PHACTR2: variants seen among roughly 807,000 people sequenced by gnomAD.
The protein encoded by PHACTR2 is chromosome 6 open reading frame 56.
A neutral mutation model predicts 76.0 loss-of-function variants in PHACTR2; 30 were observed. The observed-to-expected ratio is 0.39, with a 90% CI of 0.30 to 0.54. PHACTR2 has a LOEUF of 0.54. Ranked by LOEUF, PHACTR2 falls within the 20% of genes least tolerant of loss-of-function variation. The probability of loss-of-function intolerance (pLI) is 0.61; values close to 1 mark genes in which losing one functional copy is unlikely to be tolerated. For missense variants in PHACTR2, 696 were observed against 781.1 expected, an observed-to-expected ratio of 0.89 and a Z score of 1.30; for synonymous variants, 292 against 292.5, an observed-to-expected ratio of 1.00 and a Z score of 0.02.
chr6:143,728,886 G>C (rs1189881493), intron 2 of PHACTR2, among the ~76,000 whole-genome samples: 2 of 152,062 alleles, frequency 1.3e-5, no homozygotes, highest in Admixed American at 1.3e-4. Flanking sequence ...GAAACTACTA[G>C]AAGAAAACAT....
chr6:143,701,594 T>C (rs1562274923), intron 1 of PHACTR2, among the ~76,000 whole-genome samples: 1 of 152,112 alleles, frequency 6.6e-6, no homozygotes, highest in Admixed American at 6.5e-5. Context: ...TCCCACCCAC[T>C]ACCCTCCTCC....
In PHACTR2 at chr6:143,580,525, T is replaced by G. The variant is rs1775560912; in HGVS notation, c.217+43318T>G. ...AAACAAAACAAAAAATACAAACAAT[T>G]AGCTGGGCGTGGTGGCACACACCTG... On this transcript the variant is annotated intron_variant, in intron 1 of 11. Transcript: ENST00000367584. The surrounding 1 kb of genome is among the most constrained non-coding windows in gnomAD (Gnocchi z 4.2). 6.6e-6 allele frequency among the ~76,000 whole-genome samples: 1 copy of G among 150,898 alleles called. No individual in the cohort carries two copies. Among genetic ancestry groups the G allele is most frequent in the Non-Finnish European group, 1.5e-5 (1 of 67,706 alleles).
Position 143,800,513 on chromosome 6 carries a change from G to A in PHACTR2, c.1846-6544G>A, listed in dbSNP as rs1218747910. Among the ~76,000 whole-genome samples, 5 of 152,002 alleles carry A rather than the reference G, an allele frequency of 3.3e-5. No individual in the cohort carries two copies. The highest frequency in any genetic ancestry group is 9.7e-5 in the African/African-American group (4 of 41,380). On this transcript the variant is annotated intron_variant, in intron 11 of 12. Coordinates refer to ENST00000440869, the MANE Select transcript of PHACTR2 (RefSeq NM_001100164.2). The surrounding 1 kb of genome is among the most constrained non-coding windows in gnomAD (Gnocchi z 4.8). ...CCTGACTTCGTGATCTGCCTGCATC[G>A]GCCTCCCAAAGTGCTGGGATTACAG...
At chr6:143,746,175 G>A (rs767846852) in intron 2 of PHACTR2, among the ~76,000 whole-genome samples, 2 of 152,154 alleles carry the variant, frequency 1.3e-5, no homozygotes, top group Non-Finnish European at 2.9e-5. Flanking sequence ...CAGCATTTGA[G>A]CTGGATGAAT....
In PHACTR2 at chr6:143,733,425, T is replaced by C. The variant is rs1046324315; in HGVS notation, c.215-15560T>C. Among the ~76,000 whole-genome samples, 2 of 152,144 alleles carry C rather than the reference T, an allele frequency of 1.3e-5. No individual in the cohort carries two copies. The highest frequency in any genetic ancestry group is 1.5e-5 in the Non-Finnish European group (1 of 68,018). On this transcript the variant is annotated intron_variant, in intron 2 of 12. Transcript: ENST00000440869. This position sits in a 1 kb window ranked among gnomAD's most constrained non-coding sequence, Gnocchi z 4.0. ...AGTAAATGTATATTGAATGAACGAA[T>C]GAATGAATGAATGGCTCTTGATGGA... is the stretch of plus-strand genomic sequence containing the variant.
chr6:143,771,490 G>A (rs1437161151), intron 6 of PHACTR2, among the ~76,000 whole-genome samples: 4 of 151,090 alleles, frequency 2.6e-5, no homozygotes, highest in African/African-American at 7.3e-5. Flanking sequence ...AGGCTGGAGT[G>A]CAATGGCGCG....
At chr6:143,674,547 T>A (rs1266427322), upstream of PHACTR2, among the ~76,000 whole-genome samples, 1 of 152,152 alleles carries the variant, frequency 6.6e-6, no homozygotes. This position sits in a 1 kb window ranked among gnomAD's most constrained non-coding sequence, Gnocchi z 4.9. Flanking sequence ...ATGGCCACTA[T>A]CAACCACTGT....
Position 143,598,090 on chromosome 6 carries a change from G to A in PHACTR2, c.217+60883G>A, listed in dbSNP as rs914540093. On this transcript the variant is annotated intron_variant, in intron 1 of 11. Transcript: ENST00000367584. The surrounding 1 kb of genome is among the most constrained non-coding windows in gnomAD (Gnocchi z 4.1). ...TATAGTAGGTCGAAGAATGCCCCCC[G>A]CGCCCCCAAAAAAGAACCATATCTT... 4.7e-5 allele frequency among the ~76,000 whole-genome samples: 7 copies of A among 150,416 alleles called. No individual in the cohort carries two copies. Among genetic ancestry groups the A allele is most frequent in the East Asian group, 2.0e-4 (1 of 5,116 alleles).
Position 143,683,453 on chromosome 6 carries a change from C to G in PHACTR2, c.46+5244C>G, listed in dbSNP as rs74683400. ...TTCTTCTAGTTTTTTCCAACCCCACCCCATTTTCACGGTGCCACAGATCAG... is the reference window on the plus strand; with the variant it reads ...TTCTTCTAGTTTTTTCCAACCCCACGCCATTTTCACGGTGCCACAGATCAG... On this transcript the variant is annotated intron_variant, in intron 1 of 12. Coordinates refer to ENST00000440869, the MANE Select transcript of PHACTR2 (RefSeq NM_001100164.2). The surrounding 1 kb of genome is among the most constrained non-coding windows in gnomAD (Gnocchi z 4.1). Among the ~76,000 whole-genome samples the G allele has an allele frequency of 9.2e-5, 14 of 152,102 alleles. No individual in the cohort carries two copies. The highest frequency in any genetic ancestry group is 3.1e-4 in the African/African-American group (13 of 41,406).
rs1428095147 is a variant in PHACTR2 at position 143,820,442 on chromosome 6, G to T, written c.1923-3232G>T. Reference sequence around the variant, plus strand: ...CTGGGTAAACATTCCCGTTCCCAAAGGGAGAAATCAGACAAAAGAAGGTGG... The same window carrying T: ...CTGGGTAAACATTCCCGTTCCCAAATGGAGAAATCAGACAAAAGAAGGTGG... On this transcript the variant is annotated intron_variant, in intron 12 of 12. Transcript: ENST00000440869. The surrounding 1 kb of genome is among the most constrained non-coding windows in gnomAD (Gnocchi z 4.2). Among the ~76,000 whole-genome samples, 1 of 152,206 alleles carries T rather than the reference G, an allele frequency of 6.6e-6. No homozygotes were observed. The highest frequency in any genetic ancestry group is 1.9e-4 in the East Asian group (1 of 5,194).
upstream of PHACTR2, among the ~76,000 whole-genome samples, chr6:143,604,284 A>G (rs148532158): frequency 2.2e-3 from 335 of 152,254 alleles, 1 homozygote; most frequent in African/African-American, 7.6e-3. Context: ...GGACCAAGCA[A>G]TCTAATTACG....
Position 143,580,095 on chromosome 6 carries a change from A to C in PHACTR2, c.217+42888A>C, listed in dbSNP as rs894090422. ...AACATGACCACTGTCTTCTCTCAGC[A>C]TGAGCCAGAAAGAAAATCAAGAGAG... On this transcript the variant is annotated intron_variant, in intron 1 of 11. Transcript: ENST00000367584. This position sits in a 1 kb window ranked among gnomAD's most constrained non-coding sequence, Gnocchi z 4.2. Among the ~76,000 whole-genome samples the C allele has an allele frequency of 7.9e-5, 12 of 152,198 alleles. No homozygotes were observed. The highest frequency in any genetic ancestry group is 2.4e-4 in the African/African-American group (10 of 41,446).
chr6:143,719,178 TG>T (rs1356602182), intron 2 of PHACTR2, among the ~76,000 whole-genome samples: 1 of 149,716 alleles, frequency 6.7e-6, no homozygotes, highest in East Asian at 2.0e-4. Flanking sequence ...CAACCGTGCC[TG>T]GCCTAGAAGT....
At chr6:143,575,834 T>G (rs553011112) in intron 1 of PHACTR2, among the ~76,000 whole-genome samples, 1 of 152,258 alleles carries the variant, frequency 6.6e-6, no homozygotes, top group Non-Finnish European at 1.5e-5. Context: ...AGAGTACAAT[T>G]GATTCTTAAG....
chr6:143,715,376 T>G (rs778130846), intron 2 of PHACTR2, among the ~76,000 whole-genome samples: 1 of 152,176 alleles, frequency 6.6e-6, no homozygotes, highest in East Asian at 1.9e-4. Context: ...AGCCCTTCTG[T>G]TGCTTTGAAT....
At chr6:143,685,008 G>T (rs936585858) in intron 1 of PHACTR2, among the ~76,000 whole-genome samples, 1 of 151,942 alleles carries the variant, frequency 6.6e-6, no homozygotes, top group African/African-American at 2.4e-5. Flanking sequence ...GTATATTCAG[G>T]AGATTAACCT....
At chr6:143,704,111 G>T (rs12530194) in intron 1 of PHACTR2, among the ~76,000 whole-genome samples, 8 of 36,190 alleles carry the variant, frequency 2.2e-4, no homozygotes, top group Admixed American at 7.7e-4. Flanking sequence ...GTGTGTGTGT[G>T]TGTGTGTGTG....
rs1202615920 is a variant in PHACTR2, at chr6:143,556,711, G to A, written c.217+19504G>A. On this transcript the variant is annotated intron_variant, in intron 1 of 11. Coordinates refer to the PHACTR2 transcript ENST00000367584. This position sits in a 1 kb window ranked among gnomAD's most constrained non-coding sequence, Gnocchi z 4.3. ...TCAGCTCACAGGGTGCTAACTAGAG[G>A]AGAAGGAAGACGTACATCACCACAG... Among the ~76,000 whole-genome samples the A allele has an allele frequency of 6.6e-6, 1 of 152,152 alleles. No individual in the cohort carries two copies.
rs1266275333 is a variant in PHACTR2, at chr6:143,624,509, C to T, written c.13+16187C>T. On this transcript the variant is annotated intron_variant, in intron 1 of 11. Transcript: ENST00000305766. The surrounding 1 kb of genome is among the most constrained non-coding windows in gnomAD (Gnocchi z 4.6). ...ACATTTCAACTAGATTTTCTTCCACCTTCCTAAATTGAGGACAGACTTGAG... is the reference window on the plus strand; with the variant it reads ...ACATTTCAACTAGATTTTCTTCCACTTTCCTAAATTGAGGACAGACTTGAG... 6.6e-6 allele frequency among the ~76,000 whole-genome samples: 1 copy of T among 152,232 alleles called. No homozygotes were observed. Among genetic ancestry groups the T allele is most frequent in the African/African-American group, 2.4e-5 (1 of 41,464 alleles).
Sources: gnomAD v4.1 joint callset for allele counts (sites outside exome capture counted in the v4.1 genomes callset) on GRCh38, gnomAD v4.1.1 for gene constraint, Gnocchi (gnomAD v3.1) non-coding constraint, MANE v1.5 for transcripts, NCBI Gene and HGNC (gene_info 2026-07-23, HGNC 2026-07-21) for gene names.